The following CDK12 variants were observed in gnomAD, a reference collection of about 807,000 sequenced individuals.
CDK12 encodes cyclin-dependent kinase 12.
In CDK12, 17 loss-of-function variants were observed where a neutral mutation model predicts 133.8. The observed-to-expected ratio is 0.13, with a 90% CI of 0.09 to 0.19. The LOEUF (loss-of-function observed/expected upper bound fraction) is 0.19, where lower values mean the gene tolerates loss of function less well. Among genes scored for constraint, CDK12 ranks in the 10% least tolerant of loss-of-function variants. The pLI, the probability that CDK12 is intolerant of heterozygous loss-of-function variation, is 1.00. For synonymous variants in CDK12, 694 were observed against 683.6 expected, an observed-to-expected ratio of 1.02 and a Z score of -0.24; for missense variants, 1,508 against 1,818.7, an observed-to-expected ratio of 0.83 and a Z score of 3.11.
At chr17:39,489,497 C>T (rs997895445) in intron 2 of CDK12, among the ~76,000 whole-genome samples, 1 of 147,386 alleles carries the variant, frequency 6.8e-6, no homozygotes, top group Non-Finnish European at 1.5e-5. Flanking sequence ...GAGTACTGTG[C>T]CTGTTCTAAT....
At chr17:39,547,608 A>G (rs2055775892), upstream of CDK12, among the ~76,000 whole-genome samples, 1 of 152,138 alleles carries the variant, frequency 6.6e-6, no homozygotes. Context: ...TGGAGAATAG[A>G]TGGCCATAAA....
chr17:39,489,851 G>A (rs1430555310), intron 2 of CDK12, among the ~76,000 whole-genome samples: 5 of 143,674 alleles, frequency 3.5e-5, no homozygotes, highest in Non-Finnish European at 7.6e-5. Flanking sequence ...TGTTTTCCAG[G>A]GTGGTCTCAA....
chr17:39,556,329 C>T (rs2056161914), exon 3 of CDK12: 1 of 152,454 alleles, frequency 6.6e-6, no homozygotes, highest in South Asian at 2.1e-4. Context: ...GCCTCGGTCA[C>T]CACCCTGACC....
chr17:39,551,651 T>C (rs2144238182), intron 2 of CDK12, among the ~76,000 whole-genome samples: 1 of 152,302 alleles, frequency 6.6e-6, no homozygotes, highest in Middle Eastern at 3.4e-3. Flanking sequence ...GAAGGCTGAA[T>C]TAGAAATGCT....
Position 39,532,279 on chromosome 17 carries a change from G to C in CDK12, c.*963G>C. Reference sequence around the variant, plus strand: ...GAAAGGAAATTCAGACTCTTACATTGTTCTCTGTAACTCTTCAATTCTAAA... The same window carrying C: ...GAAAGGAAATTCAGACTCTTACATTCTTCTCTGTAACTCTTCAATTCTAAA... On this transcript the variant is annotated 3_prime_UTR_variant, in exon 14 of 14. Transcript: ENST00000447079. The C allele has an allele frequency of 4.3e-6, 1 of 233,212 alleles. No individual in the cohort carries two copies. Among genetic ancestry groups the C allele is most frequent in the Non-Finnish European group, 8.5e-6 (1 of 117,990 alleles). The allele number at this position is 233,212 out of a possible 1,614,324, so 14.4% of individuals were successfully genotyped here. A position where few individuals can be genotyped will look rare whatever the true frequency, so the allele number is the denominator to read the frequency against.
At chr17:39,469,891 C>T (rs1455387569) in intron 1 of CDK12, among the ~76,000 whole-genome samples, 7 of 152,136 alleles carry the variant, frequency 4.6e-5, no homozygotes, top group Admixed American at 2.0e-4. Context: ...CCCATCTTGG[C>T]CTCCCAAAGT....
intron 4 of CDK12, among the ~76,000 whole-genome samples, 199 bp downstream of exon 4, chr17:39,493,089 T>G (rs555293821): frequency 2.6e-5 from 4 of 151,740 alleles, no homozygotes; most frequent in Non-Finnish European, 4.4e-5. Context: ...GCCTCCTGGG[T>G]TCACACCATT....
intron 2 of CDK12, among the ~76,000 whole-genome samples, chr17:39,490,171 A>G (rs2051470441): frequency 6.6e-6 from 1 of 151,148 alleles, no homozygotes; most frequent in Non-Finnish European, 1.5e-5. Flanking sequence ...GTTCAAGACC[A>G]GCCTGGCAAA....
chr17:39,497,755 C>A (rs970364910), intron 5 of CDK12, among the ~76,000 whole-genome samples: 1 of 151,894 alleles, frequency 6.6e-6, no homozygotes, highest in Admixed American at 6.6e-5. Context: ...AGGCATGCAC[C>A]ACCACATCCA....
intron 11 of CDK12, among the ~76,000 whole-genome samples, chr17:39,521,097 G>A (rs991974698): frequency 5.3e-5 from 8 of 152,042 alleles, no homozygotes; most frequent in Admixed American, 3.9e-4. Flanking sequence ...TGCCCACCTC[G>A]GCCTCCCAAA....
Position 39,533,506 on chromosome 17 carries a change from G to A in CDK12, c.*2190G>A. On this transcript the variant is annotated 3_prime_UTR_variant, in exon 14 of 14. Transcript: ENST00000447079. ...GTATCTGTTCAATGAAAAAAAGTTG[G>A]TTTCCCATCAAATATGAATAAAATT... 8.6e-6 allele frequency: 2 copies of A among 233,102 alleles called. No homozygotes were observed. The highest frequency in any genetic ancestry group is 1.7e-5 in the Non-Finnish European group (2 of 117,934). 14.4% of individuals were successfully genotyped at this position (233,102 alleles called of 1,614,324 possible).
rs1295063876 is a variant in CDK12 at position 39,499,929 on chromosome 17, A to G, written c.2420-1321A>G. Among the ~76,000 whole-genome samples the G allele has an allele frequency of 3.9e-5, 6 of 152,248 alleles. No individual in the cohort carries two copies. The East Asian group carries it at 1.2e-3, about 29-fold the overall frequency. On this transcript the variant is annotated intron_variant, in intron 5 of 13. Coordinates refer to ENST00000447079, the MANE Select transcript of CDK12 (RefSeq NM_016507.4). ...AAAATAGTCGTCAATTTTATGTAAC[A>G]AATGGGCATGGTTGTGTTACAAATA... is the stretch of plus-strand genomic sequence containing the variant.
Position 39,531,414 on chromosome 17 carries a change from C to A in CDK12, c.*98C>A. ...AAATCATTTGCCAGAGCGAGGTAAT[C>A]ATCTGCATTTGGCTACTGCAAAGCT... On this transcript the variant is annotated 3_prime_UTR_variant, in exon 14 of 14. Transcript: ENST00000447079. 1 of 1,216,110 alleles carries A rather than the reference C, an allele frequency of 8.2e-7. No homozygotes were observed. Among genetic ancestry groups the A allele is most frequent in the Non-Finnish European group, 1.1e-6 (1 of 933,640 alleles). The allele number at this position is 1,216,110 out of a possible 1,614,324, so 75.3% of individuals were successfully genotyped here. A position where few individuals can be genotyped will look rare whatever the true frequency, so the allele number is the denominator to read the frequency against.
intron 2 of CDK12, among the ~76,000 whole-genome samples, chr17:39,479,615 G>T (rs1202065056): frequency 2.4e-4 from 37 of 151,468 alleles, no homozygotes; most frequent in African/African-American, 8.5e-4. Flanking sequence ...GTTTTTTTTT[G>T]TTTTGTTTTG....
chr17:39,489,348 G>A (rs1314260580), intron 2 of CDK12, among the ~76,000 whole-genome samples: 1 of 151,924 alleles, frequency 6.6e-6, no homozygotes, highest in Admixed American at 6.6e-5. Context: ...AAGATTACAG[G>A]CGTGAGCCAC....
chr17:39,560,904 A>T (rs2056348499), intron 3 of CDK12, among the ~76,000 whole-genome samples: 1 of 152,090 alleles, frequency 6.6e-6, no homozygotes, highest in Non-Finnish European at 1.5e-5. Flanking sequence ...AATCTCAGCT[A>T]CTCAGGAGGC....
intron 5 of CDK12, among the ~76,000 whole-genome samples, chr17:39,497,081 C>T (rs762870420): frequency 1.8e-4 from 27 of 151,956 alleles, no homozygotes; most frequent in Non-Finnish European, 3.5e-4. Flanking sequence ...AACAGGCGCA[C>T]GCCACCACGG....
At chr17:39,476,837 T>C (rs2050251089) in intron 2 of CDK12, among the ~76,000 whole-genome samples, 1 of 149,434 alleles carries the variant, frequency 6.7e-6, no homozygotes, top group Admixed American at 6.8e-5. Flanking sequence ...TTCTCCTGCC[T>C]TAGCCTCCTG....
At chr17:39,494,486 T>C in intron 4 of CDK12, 38 bp from the exon 5 acceptor site, 1 of 1,596,160 alleles carries the variant, frequency 6.3e-7, no homozygotes, top group Non-Finnish European at 8.6e-7. Flanking sequence ...TGGCCAAAAA[T>C]GCTCATTGAT....
Sources: gnomAD v4.1 joint callset for allele counts (sites outside exome capture counted in the v4.1 genomes callset) on GRCh38, gnomAD v4.1.1 for gene constraint, MANE v1.5 for transcripts, NCBI Gene and HGNC (gene_info 2026-07-23, HGNC 2026-07-21) for gene names.